Variants in POLQ observed in about 807,000 individuals in gnomAD.
The protein encoded by POLQ is epididymis secretory sperm binding protein.
POLQ carries 233 observed loss-of-function variants against 259.2 expected under a neutral mutation model. That is an observed-to-expected ratio of 0.90 (90% CI 0.81 to 1.00). The LOEUF (loss-of-function observed/expected upper bound fraction) is 1.00. Among genes scored for constraint, POLQ ranks in the 50% least tolerant of loss-of-function variants. The probability of loss-of-function intolerance (pLI) is 0.00; values close to 1 mark genes in which losing one functional copy is unlikely to be tolerated. For synonymous variants in POLQ, 1,025 were observed against 1,048.8 expected, an observed-to-expected ratio of 0.98 and a Z score of 0.44; for missense variants, 2,871 against 3,051.6, an observed-to-expected ratio of 0.94 and a Z score of 1.39.
chr3:121,448,962 T>C (rs924511543), intron 26 of POLQ, among the ~76,000 whole-genome samples: 3 of 152,226 alleles, frequency 2.0e-5, no homozygotes, highest in Non-Finnish European at 2.9e-5. Context: ...CTCGTATATT[T>C]AATTAGCAAT....
At chr3:121,529,939 G>A (rs1165434278) in intron 6 of POLQ, 147 bp from the exon 7 acceptor site, 30 of 555,342 alleles carry the variant, frequency 5.4e-5, no homozygotes, top group Middle Eastern at 4.5e-4. Context: ...ACAAAAGAAA[G>A]GAAAAAAAGA....
At chr3:121,502,265 A>G (rs926860563) in intron 12 of POLQ, among the ~76,000 whole-genome samples, 3 of 152,128 alleles carry the variant, frequency 2.0e-5, no homozygotes, top group African/African-American at 4.8e-5. Flanking sequence ...CAGGCTGGAC[A>G]CAATCTCAGC....
At chr3:121,517,226 T>C (rs917120827) in intron 9 of POLQ, among the ~76,000 whole-genome samples, 14 of 152,180 alleles carry the variant, frequency 9.2e-5, no homozygotes, top group Admixed American at 2.6e-4. Context: ...CAAATAGGAA[T>C]GGGAAGGAAG....
At chr3:121,469,616 A>G (rs1474011133) in intron 22 of POLQ, among the ~76,000 whole-genome samples, 2 of 152,200 alleles carry the variant, frequency 1.3e-5, no homozygotes, top group Non-Finnish European at 2.9e-5. Context: ...GAAGGCATCC[A>G]AGGCTCTTTT....
chr3:121,511,226 C>CAA (rs34066876), intron 10 of POLQ, among the ~76,000 whole-genome samples: 1,008 of 74,372 alleles, frequency 0.014, 11 homozygotes, highest in East Asian at 0.025. Flanking sequence ...ACTCCGTCTC[C>CAA]AAAAAAAAAA....
chr3:121,439,617 T>C (rs1190290019), intron 27 of POLQ, among the ~76,000 whole-genome samples: 1 of 152,206 alleles, frequency 6.6e-6, no homozygotes, highest in Admixed American at 6.5e-5. Context: ...CTGAGGAATG[T>C]TAGCAATTTG....
At chr3:121,443,019 G>A (rs769204615) in intron 26 of POLQ, among the ~76,000 whole-genome samples, 6 of 152,038 alleles carry the variant, frequency 3.9e-5, no homozygotes, top group East Asian at 1.9e-4. Context: ...TACCATGCCC[G>A]GCTAATTTTT....
intron 19 of POLQ, among the ~76,000 whole-genome samples, chr3:121,480,419 C>T (rs955577656): frequency 6.6e-6 from 1 of 152,068 alleles, no homozygotes; most frequent in South Asian, 2.1e-4. Context: ...TATCTCAGTG[C>T]ACTTCAATTC....
intron 7 of POLQ, 40 bp from the exon 8 acceptor site, chr3:121,522,189 C>T: frequency 6.6e-7 from 1 of 1,506,980 alleles, no homozygotes; most frequent in South Asian, 1.3e-5. Flanking sequence ...GCTTCTAACT[C>T]AGCTTCTTTA....
intron 18 of POLQ, 152 bp downstream of exon 18, chr3:121,483,234 T>A (rs2047984101): frequency 2.3e-6 from 1 of 429,414 alleles, no homozygotes; most frequent in South Asian, 9.5e-5. Context: ...CATGATATTC[T>A]ATTCTGGGTA....
In POLQ at chr3:121,494,296, G is replaced by C. The variant is rs2048096308; in HGVS notation, c.2279-575C>G. 3.1e-6 allele frequency: 5 copies of C among 1,596,120 alleles called. No homozygotes were observed. In the Admixed American group the frequency reaches 5.0e-5, roughly 16 times the overall value. ...TGAAACGGCCCCGCTATATCAGGTT[G>C]CAGCGGCAGAGAGCCATCCTCTATA... On this transcript the variant is annotated intron_variant, in intron 14 of 29. Coordinates refer to ENST00000264233, the MANE Select transcript of POLQ (RefSeq NM_199420.4).
chr3:121,489,343 C>T lies in POLQ; in HGVS notation c.3588G>A (p.Leu1196=). Residue 1196 remains leucine (L), a synonymous_variant, in exon 16 of 30, where the codon CTG becomes CTA. Coordinates refer to ENST00000264233, the MANE Select transcript of POLQ (RefSeq NM_199420.4). ...TTGTCTGTTCATGAGATTGCTTTCG[C>T]AGGTACTGGTTAATTGGATGGATGT... The part of the protein sequence containing the change: ...HHDIHPINQY[L]RKQSHEQTST... 1.2e-6 allele frequency: 2 copies of T among 1,613,168 alleles called. No homozygotes were observed. The highest frequency in any genetic ancestry group is 1.7e-6 in the Non-Finnish European group (2 of 1,179,746).
chr3:121,447,491 T>C (rs1417515649), intron 26 of POLQ, among the ~76,000 whole-genome samples: 2 of 152,128 alleles, frequency 1.3e-5, no homozygotes, highest in East Asian at 3.8e-4. Flanking sequence ...TTGTTTATAT[T>C]TATATCGTAT....
chr3:121,492,571 A>G (rs2048077351), intron 15 of POLQ, among the ~76,000 whole-genome samples: 1 of 152,178 alleles, frequency 6.6e-6, no homozygotes, highest in South Asian at 2.1e-4. Context: ...ATCAAAATCC[A>G]TCAAAGCAGA....
At chr3:121,510,509 G>A (rs561531280) in intron 10 of POLQ, among the ~76,000 whole-genome samples, 6 of 151,938 alleles carry the variant, frequency 3.9e-5, no homozygotes, top group African/African-American at 1.4e-4. Context: ...CCCAAGAGGC[G>A]AAGCTTGCGG....
chr3:121,497,904 T>C (rs2048137040), intron 13 of POLQ, among the ~76,000 whole-genome samples: 1 of 152,204 alleles, frequency 6.6e-6, no homozygotes, highest in Non-Finnish European at 1.5e-5. Flanking sequence ...CAACACCTTC[T>C]TTACAAAAGA....
chr3:121,464,549 T>G (rs1489751634), intron 24 of POLQ, among the ~76,000 whole-genome samples: 1 of 143,730 alleles, frequency 7.0e-6, no homozygotes, highest in Non-Finnish European at 1.5e-5. Context: ...TAAGTAATAC[T>G]CCTTTGAATT....
At position 121,450,007 on chromosome 3, in the gene POLQ, G is replaced by A. The variant is rs567463860; in HGVS notation, c.7153-581C>T. 1.7e-4 allele frequency among the ~76,000 whole-genome samples: 26 copies of A among 152,258 alleles called. No individual in the cohort carries two copies. The South Asian group carries it at 5.2e-3, about 30-fold the overall frequency. ...GTAGTGAAGGGAAATGATCTAAATA[G>A]GCAATTAAAGAAAGTCTGGTTTAAT... On this transcript the variant is annotated intron_variant, in intron 25 of 29. Transcript: ENST00000264233.
rs1240048301 is a variant in POLQ, at chr3:121,489,571, T to G, written c.3360A>C (p.Gln1120His). 2 of 1,612,978 alleles carry G rather than the reference T, an allele frequency of 1.2e-6. No homozygotes were observed. Among genetic ancestry groups the G allele is most frequent in the South Asian group, 1.1e-5 (1 of 90,770 alleles). ...NKTSFPLQIK[Q>H]NCSWNITLTN... ...TTAGTGTTATGTTCCATGAACAATTTTGCTTTATTTGTAATGGGAATGATG... is the reference window on the plus strand; with the variant it reads ...TTAGTGTTATGTTCCATGAACAATTGTGCTTTATTTGTAATGGGAATGATG... Residue 1120 changes from glutamine (Q) to histidine (H), a missense_variant, in exon 16 of 30, where the codon CAA (glutamine) becomes CAC (histidine). Gln to His is a conservative substitution (Grantham distance 24, BLOSUM62 0). Transcript: ENST00000264233.
Sources: gnomAD v4.1 joint callset for allele counts (sites outside exome capture counted in the v4.1 genomes callset) on GRCh38, gnomAD v4.1.1 for gene constraint, MANE v1.5 for transcripts, NCBI Gene and HGNC (gene_info 2026-07-23, HGNC 2026-07-21) for gene names.